The following AFG2A variants were observed in gnomAD, a reference collection of about 807,000 sequenced individuals.
The protein encoded by AFG2A is ATPase family gene 2 protein homolog A.
At chr4:123,188,804 TTAA>T in the AFG2A span, among the ~76,000 whole-genome samples, 1 of 152,242 alleles carries the variant, frequency 6.6e-6, no homozygotes, top group Non-Finnish European at 1.5e-5. Context: ...GGTAGACGTC[TTAA>T]TAGTATTGGT....
At chr4:123,239,595 G>A in the AFG2A span, among the ~76,000 whole-genome samples, 2,712 of 152,174 alleles carry the variant, frequency 0.018, 90 homozygotes, top group African/African-American at 0.062. Flanking sequence ...CATAAGTGAA[G>A]GATAAATAAA....
the AFG2A span, among the ~76,000 whole-genome samples, chr4:123,068,642 G>A: frequency 6.6e-6 from 1 of 152,018 alleles, no homozygotes; most frequent in African/African-American, 2.4e-5. Context: ...ATTCATACCT[G>A]CCAACAAGAA....
At chr4:123,145,416 G>T in the AFG2A span, among the ~76,000 whole-genome samples, 1 of 151,988 alleles carries the variant, frequency 6.6e-6, no homozygotes, top group Non-Finnish European at 1.5e-5. Context: ...AAACTCACTG[G>T]TTATATGACA....
the AFG2A span, among the ~76,000 whole-genome samples, chr4:122,939,955 A>G: frequency 1.3e-5 from 2 of 152,224 alleles, no homozygotes; most frequent in Admixed American, 1.3e-4. Context: ...TGTAAAGGAC[A>G]TGAACTCATC....
the AFG2A span, among the ~76,000 whole-genome samples, chr4:123,311,847 C>T: frequency 6.6e-6 from 1 of 152,186 alleles, no homozygotes. Context: ...ACAACCATTT[C>T]TTCTTCTGCC....
At chr4:123,268,091 G>A in the AFG2A span, among the ~76,000 whole-genome samples, 1 of 151,812 alleles carries the variant, frequency 6.6e-6, no homozygotes, top group East Asian at 1.9e-4. Context: ...TTGGTATTTC[G>A]ATGCCTCTTT....
chr4:123,076,335 AAC>A, the AFG2A span, among the ~76,000 whole-genome samples: 1 of 152,100 alleles, frequency 6.6e-6, no homozygotes, highest in South Asian at 2.1e-4. Context: ...CAAAATAAAA[AAC>A]AATTATACAG....
the AFG2A span, among the ~76,000 whole-genome samples, chr4:123,295,269 C>A: frequency 6.6e-6 from 1 of 152,086 alleles, no homozygotes; most frequent in Admixed American, 6.5e-5. Context: ...CCTTGGAAGG[C>A]TGGTTGGGGC....
At chr4:123,158,528 C>A in the AFG2A span, among the ~76,000 whole-genome samples, 1 of 152,152 alleles carries the variant, frequency 6.6e-6, no homozygotes, top group Non-Finnish European at 1.5e-5. Flanking sequence ...TTCAGTATTT[C>A]ATCTCTCTTC....
chr4:123,051,445 ATT>A, the AFG2A span, among the ~76,000 whole-genome samples: 1 of 151,900 alleles, frequency 6.6e-6, no homozygotes, highest in Non-Finnish European at 1.5e-5. Context: ...CTGTTTTTAT[ATT>A]GCCTCTTAAC....
chr4:122,937,289 G>A, the AFG2A span, among the ~76,000 whole-genome samples: 2 of 152,134 alleles, frequency 1.3e-5, no homozygotes, highest in East Asian at 1.9e-4. Context: ...GAGCTCAAGT[G>A]ATCCTCCCCC....
At chr4:123,148,759 C>A in the AFG2A span, among the ~76,000 whole-genome samples, 1 of 150,796 alleles carries the variant, frequency 6.6e-6, no homozygotes, top group African/African-American at 2.4e-5. Flanking sequence ...ACAGAACACA[C>A]ACACACTCTA....
chr4:122,989,781 G>T, the AFG2A span, among the ~76,000 whole-genome samples: 2 of 152,164 alleles, frequency 1.3e-5, no homozygotes, highest in African/African-American at 4.8e-5. Flanking sequence ...TCCACATTGT[G>T]CTGCCAGAGG....
the AFG2A span, among the ~76,000 whole-genome samples, chr4:123,026,174 G>T: frequency 1.3e-5 from 2 of 151,706 alleles, no homozygotes; most frequent in East Asian, 3.9e-4. Flanking sequence ...AGAATTGATT[G>T]GTGTTCCACT....
At chr4:123,018,665 G>A in the AFG2A span, among the ~76,000 whole-genome samples, 28 of 150,948 alleles carry the variant, frequency 1.9e-4, no homozygotes. Context: ...ACAGAGTCTC[G>A]CTGTGTCACC....
the AFG2A span, among the ~76,000 whole-genome samples, chr4:122,942,507 A>G: frequency 6.6e-6 from 1 of 151,896 alleles, no homozygotes; most frequent in Non-Finnish European, 1.5e-5. Flanking sequence ...TATTGCGTCT[A>G]TTTGATTCTT....
chr4:122,947,883 T>G, the AFG2A span, among the ~76,000 whole-genome samples: 1 of 152,204 alleles, frequency 6.6e-6, no homozygotes, highest in Non-Finnish European at 1.5e-5. Context: ...CTATGAGGGC[T>G]TGAACTGCAT....
chr4:122,945,241 G>A, the AFG2A span, among the ~76,000 whole-genome samples: 1 of 152,248 alleles, frequency 6.6e-6, no homozygotes, highest in African/African-American at 2.4e-5. Flanking sequence ...GCCCCCAGAG[G>A]TGGAGCCTAC....
the AFG2A span, among the ~76,000 whole-genome samples, chr4:122,942,470 G>T: frequency 0.041 from 6,092 of 148,634 alleles, 402 homozygotes; most frequent in African/African-American, 0.15. Context: ...CTGTGGGATC[G>T]GTGCTGATAT....
Sources: gnomAD v4.1 joint callset for allele counts (sites outside exome capture counted in the v4.1 genomes callset) on GRCh38, gnomAD v4.1.1 for gene constraint, MANE v1.5 for transcripts, NCBI Gene and HGNC (gene_info 2026-07-23, HGNC 2026-07-21) for gene names.